Variants in SUGCT observed in about 807,000 individuals in gnomAD.
SUGCT encodes the protein succinyl-CoA:glutarate-CoA transferase.
A neutral mutation model predicts 55.0 loss-of-function variants in SUGCT; 41 were observed. That is an observed-to-expected ratio of 0.74 (90% CI 0.58 to 0.97). The LOEUF is 0.97. Ranked by LOEUF, SUGCT falls within the 50% of genes least tolerant of loss-of-function variation. The pLI is 0.00. For missense variants in SUGCT, 568 were observed against 547.8 expected, an observed-to-expected ratio of 1.04 and a Z score of -0.37; for synonymous variants, 187 against 200.4, an observed-to-expected ratio of 0.93 and a Z score of 0.56.
chr7:40,643,841 T>C (rs1048549434), intron 12 of SUGCT, among the ~76,000 whole-genome samples: 1 of 152,200 alleles, frequency 6.6e-6, no homozygotes, highest in South Asian at 2.1e-4. Flanking sequence ...AAGGGGGGAC[T>C]TATCTGATTG....
the SUGCT span, among the ~76,000 whole-genome samples, chr7:40,890,573 C>G: frequency 6.6e-6 from 1 of 151,954 alleles, no homozygotes; most frequent in Non-Finnish European, 1.5e-5. Flanking sequence ...GCCTGCTCAC[C>G]TGCTGACTCA....
At chr7:40,297,228 G>A (rs532649341) in intron 8 of SUGCT, among the ~76,000 whole-genome samples, 1 of 152,088 alleles carries the variant, frequency 6.6e-6, no homozygotes, top group African/African-American at 2.4e-5. Flanking sequence ...GAGCCCATTG[G>A]TTGCAGCAAA....
intron 12 of SUGCT, among the ~76,000 whole-genome samples, chr7:40,624,996 A>C (rs183506950): frequency 5.8e-4 from 88 of 152,174 alleles, no homozygotes; most frequent in Non-Finnish European, 2.4e-4. Context: ...GAAAATGCTG[A>C]TGTAACTCAG....
At chr7:40,370,999 C>G (rs1784270177) in intron 9 of SUGCT, among the ~76,000 whole-genome samples, 1 of 152,088 alleles carries the variant, frequency 6.6e-6, no homozygotes, top group African/African-American at 2.4e-5. Flanking sequence ...TATTACACGA[C>G]CTGGCCAGAC....
At chr7:40,425,064 G>T (rs942208612) in intron 9 of SUGCT, among the ~76,000 whole-genome samples, 1 of 152,092 alleles carries the variant, frequency 6.6e-6, no homozygotes, top group African/African-American at 2.4e-5. Context: ...AACTCATGTA[G>T]TTGAACATTT....
At chr7:40,216,779 C>T (rs1013601888) in intron 6 of SUGCT, among the ~76,000 whole-genome samples, 8 of 151,530 alleles carry the variant, frequency 5.3e-5, no homozygotes, top group Admixed American at 3.3e-4. Context: ...TCGCTTGAAC[C>T]TGGGAGGGGG....
chr7:40,861,417 A>T (rs1297596012), downstream of SUGCT, among the ~76,000 whole-genome samples: 1 of 152,202 alleles, frequency 6.6e-6, no homozygotes, highest in Non-Finnish European at 1.5e-5. Context: ...TATAAAAAAC[A>T]CCTGTGTCCA....
intron 8 of SUGCT, among the ~76,000 whole-genome samples, chr7:40,312,216 T>C (rs2151099847): frequency 6.6e-6 from 1 of 152,180 alleles, no homozygotes; most frequent in Non-Finnish European, 1.5e-5. Context: ...ATTTTTTGTA[T>C]GTTTAGTAGA....
intron 9 of SUGCT, among the ~76,000 whole-genome samples, chr7:40,365,740 AC>A (rs1469009688): frequency 6.6e-6 from 1 of 152,046 alleles, no homozygotes. Flanking sequence ...AGAACTACAA[AC>A]CACTGCTCAA....
chr7:41,015,739 T>C, the SUGCT span, among the ~76,000 whole-genome samples: 8 of 152,228 alleles, frequency 5.3e-5, no homozygotes, highest in African/African-American at 1.4e-4. Flanking sequence ...GTGTGGACTC[T>C]TCCTACAGTG....
the SUGCT span, among the ~76,000 whole-genome samples, chr7:41,015,965 G>T: frequency 4.7e-4 from 71 of 152,328 alleles, 1 homozygote; most frequent in South Asian, 4.6e-3. Flanking sequence ...GACCCTATCT[G>T]CATGGTTACT....
rs146359678 is a variant in SUGCT at position 40,838,267 on chromosome 7, G to C, written c.1154-22049G>C. On this transcript the variant is annotated intron_variant, in intron 13 of 13. Coordinates refer to ENST00000335693, the MANE Select transcript of SUGCT (RefSeq NM_001193313.2). ...GTCTTTTCAGATAAAATTTAGAATA[G>C]GCTTATCTGTGTTTACAGGAGAAAA... Among the ~76,000 whole-genome samples the C allele has an allele frequency of 2.5e-4, 38 of 152,236 alleles. No homozygotes were observed. The East Asian group carries it at 6.2e-3, about 25-fold the overall frequency.
intron 9 of SUGCT, among the ~76,000 whole-genome samples, chr7:40,341,389 A>C (rs991009463): frequency 6.6e-6 from 1 of 152,170 alleles, no homozygotes; most frequent in Non-Finnish European, 1.5e-5. Context: ...TAGGAGGGAA[A>C]TTTCACCACA....
chr7:40,898,685 C>T, the SUGCT span, among the ~76,000 whole-genome samples: 1 of 151,242 alleles, frequency 6.6e-6, no homozygotes, highest in Non-Finnish European at 1.5e-5. Context: ...GATCGCGCCG[C>T]GAGACTCCGT....
chr7:40,742,199 G>GT (rs1262631239), intron 12 of SUGCT, among the ~76,000 whole-genome samples: 18 of 152,188 alleles, frequency 1.2e-4, no homozygotes, highest in Non-Finnish European at 2.4e-4. Context: ...AATTTTCATA[G>GT]TTTTTTTAAA....
chr7:40,156,586 C>T (rs1783908719), intron 1 of SUGCT, among the ~76,000 whole-genome samples: 1 of 152,132 alleles, frequency 6.6e-6, no homozygotes, highest in Non-Finnish European at 1.5e-5. Flanking sequence ...CTCTGTACTC[C>T]TATTTTAACT....
intron 12 of SUGCT, among the ~76,000 whole-genome samples, chr7:40,597,134 T>C (rs1211727664): frequency 6.6e-6 from 1 of 152,208 alleles, no homozygotes; most frequent in African/African-American, 2.4e-5. Context: ...CTTTTTGTTA[T>C]CCTAATGAAT....
intron 9 of SUGCT, among the ~76,000 whole-genome samples, chr7:40,390,630 A>G (rs544213471): frequency 1.3e-5 from 2 of 152,302 alleles, no homozygotes; most frequent in East Asian, 3.9e-4. Context: ...TCAACAAAAT[A>G]AAATGACACA....
At chr7:40,574,739 T>G (rs1014561489) in intron 12 of SUGCT, among the ~76,000 whole-genome samples, 3 of 152,186 alleles carry the variant, frequency 2.0e-5, no homozygotes, top group African/African-American at 7.2e-5. Context: ...GCTGGGCCTG[T>G]TAGTTTAATC....
Sources: gnomAD v4.1 joint callset for allele counts (sites outside exome capture counted in the v4.1 genomes callset) on GRCh38, gnomAD v4.1.1 for gene constraint, MANE v1.5 for transcripts, NCBI Gene and HGNC (gene_info 2026-07-23, HGNC 2026-07-21) for gene names.